Variants in SP110 observed in about 807,000 individuals in gnomAD.
The protein encoded by SP110 is SP110 nuclear body protein, also known as interferon-induced protein 41, 30kD.
A neutral mutation model predicts 92.7 loss-of-function variants in SP110; 62 were observed. The observed-to-expected ratio is 0.67, with a 90% CI of 0.55 to 0.83. The LOEUF is 0.83. SP110 is among the 40% of genes least tolerant of loss of function. SP110 has a pLI of 0.00. For synonymous variants in SP110, 273 were observed against 305.3 expected, an observed-to-expected ratio of 0.89 and a Z score of 1.10; for missense variants, 793 against 863.9, an observed-to-expected ratio of 0.92 and a Z score of 1.03.
chr2:230,176,700 T>A (rs768938186), intron 14 of SP110: 35 of 1,613,898 alleles, frequency 2.2e-5, no homozygotes, highest in Non-Finnish European at 2.9e-5. Context: ...AGATTTATTC[T>A]TGGAGGACAG....
upstream of SP110, among the ~76,000 whole-genome samples, chr2:230,221,148 G>A (rs1055225417): frequency 6.6e-6 from 1 of 151,862 alleles, no homozygotes; most frequent in Non-Finnish European, 1.5e-5. Flanking sequence ...AGATGTGGTG[G>A]CGGGAACCTG....
At chr2:230,173,245 G>A (rs996862996) in intron 14 of SP110, 20 of 400,114 alleles carry the variant, frequency 5.0e-5, no homozygotes, top group Non-Finnish European at 9.7e-5. Flanking sequence ...CTGCTGGCAA[G>A]CTTGTGCTTT....
intron 12 of SP110, among the ~76,000 whole-genome samples, chr2:230,182,110 G>A (rs955516044): frequency 2.6e-4 from 40 of 152,332 alleles, no homozygotes; most frequent in Non-Finnish European, 4.3e-4. Context: ...TATACACCAC[G>A]GAATACTATG....
At chr2:230,219,638 C>T (rs903466236) in intron 1 of SP110, 1 of 152,206 alleles carries the variant, frequency 6.6e-6, no homozygotes, top group South Asian at 2.1e-4. Flanking sequence ...GGGTAGAGGG[C>T]AAATCTCGGC....
rs56817002 is a variant in SP110 at position 230,206,595 on chromosome 2, TTATATATATA to T, written c.898+1386_898+1395del. 9.7e-3 allele frequency among the ~76,000 whole-genome samples: 681 copies of T among 70,496 alleles called. 21 individuals carry two copies. Among genetic ancestry groups the T allele is most frequent in the African/African-American group, 0.028 (577 of 20,946 alleles). The allele number at this position is 70,496 out of a possible 152,430, so 46.2% of individuals were successfully genotyped here. On this transcript the variant is annotated intron_variant, in intron 8 of 18. Coordinates refer to ENST00000258381, the MANE Select transcript of SP110 (RefSeq NM_080424.4). ...TATTATATATTATCTGGTCCAGATT[TTATATATATA>T]TATATATATATATATATATATATAT...
At chr2:230,179,301 G>T (rs901504896) in intron 12 of SP110, among the ~76,000 whole-genome samples, 12 of 152,164 alleles carry the variant, frequency 7.9e-5, no homozygotes, top group African/African-American at 2.9e-4. Flanking sequence ...AGGAGCAGGG[G>T]CTGGCAGCAA....
chr2:230,202,677 T>C lies in SP110; in HGVS notation c.950A>G (p.Gln317Arg). 6.2e-7 allele frequency: 1 copy of C among 1,614,154 alleles called. No individual in the cohort carries two copies. Among genetic ancestry groups the C allele is most frequent in the Non-Finnish European group, 8.5e-7 (1 of 1,179,958 alleles). ...GIQKKLKRVD[Q>R]VPQKKDDSTC... ...TGAGTCATCTTTCTTTTGAGGAACCTGATCCACCCTTTTGAGCTTCTTTTG... is the reference window on the plus strand; with the variant it reads ...TGAGTCATCTTTCTTTTGAGGAACCCGATCCACCCTTTTGAGCTTCTTTTG... Residue 317 changes from glutamine (Q) to arginine (R), a missense_variant, in exon 9 of 19, where the codon CAG (glutamine) becomes CGG (arginine). By Grantham distance (43) the Gln-to-Arg change is conservative. Transcript: ENST00000258381.
At chr2:230,217,420 AG>A (rs1163231086) in intron 1 of SP110, among the ~76,000 whole-genome samples, 1 of 152,184 alleles carries the variant, frequency 6.6e-6, no homozygotes, top group African/African-American at 2.4e-5. Flanking sequence ...GACAATTCCC[AG>A]CAACAATGGA....
intron 10 of SP110, among the ~76,000 whole-genome samples, chr2:230,190,308 T>C (rs879044714): frequency 6.6e-6 from 1 of 151,914 alleles, no homozygotes; most frequent in South Asian, 2.1e-4. Flanking sequence ...TGATCAGTGA[T>C]GTTGAGCGTT....
intron 10 of SP110, among the ~76,000 whole-genome samples, chr2:230,191,746 A>C (rs1319245652): frequency 6.6e-6 from 1 of 152,196 alleles, no homozygotes; most frequent in Non-Finnish European, 1.5e-5. Flanking sequence ...TATTCCAAAC[A>C]ATTGAAAAGG....
intron 18 of SP110, 120 bp downstream of exon 18, chr2:230,170,501 C>T (rs887869831): frequency 3.0e-5 from 37 of 1,235,268 alleles, no homozygotes; most frequent in Admixed American, 5.3e-5. Flanking sequence ...TTCTGTAATC[C>T]TTGTCTTGTT....
intron 12 of SP110, 74 bp downstream of exon 12, chr2:230,183,498 G>T: frequency 1.1e-6 from 1 of 927,968 alleles, no homozygotes; most frequent in Non-Finnish European, 1.8e-6. Flanking sequence ...AGAAGGAGAG[G>T]GCGGGTGGAG....
At chr2:230,189,080 T>C (rs151293281) in intron 10 of SP110, among the ~76,000 whole-genome samples, 12 of 92,242 alleles carry the variant, frequency 1.3e-4, no homozygotes, top group African/African-American at 5.0e-4. Context: ...GTTGAGTTTA[T>C]TTGAAACTTC....
chr2:230,179,461 C>T (rs927161893), intron 12 of SP110, among the ~76,000 whole-genome samples: 5 of 93,436 alleles, frequency 5.4e-5, no homozygotes, highest in South Asian at 4.1e-4. Context: ...CAGATGAGAG[C>T]GTGGCCTTGG....
At chr2:230,186,985 TATA>T (rs773828665) in intron 10 of SP110, among the ~76,000 whole-genome samples, 1 of 152,190 alleles carries the variant, frequency 6.6e-6, no homozygotes, top group Non-Finnish European at 1.5e-5. Context: ...GTCTTCTTGA[TATA>T]ATGACTTATT....
Position 230,170,656 on chromosome 2 carries a change from G to T in SP110, c.1993C>A (p.Arg665Ser), listed in dbSNP as rs201864810. ...YTVAWFVRDM[R>S]LMFRNHKTFY... Reference sequence around the variant, plus strand: ...GTTTTATGGTTGCGAAACATCAGGCGCATGTCTCGCACAAACCATGCCACC... The same window carrying T: ...GTTTTATGGTTGCGAAACATCAGGCTCATGTCTCGCACAAACCATGCCACC... Residue 665 changes from arginine (R) to serine (S), a missense_variant, in exon 18 of 19, where the codon CGC becomes AGC. Transcript: ENST00000258381. The T allele has an allele frequency of 5.6e-5, 91 of 1,613,926 alleles. No homozygotes were observed. The highest frequency in any genetic ancestry group is 7.4e-5 in the Non-Finnish European group (87 of 1,179,986).
chr2:230,190,167 C>T (rs980827516), intron 10 of SP110, among the ~76,000 whole-genome samples: 1 of 152,206 alleles, frequency 6.6e-6, no homozygotes, highest in African/African-American at 2.4e-5. Context: ...TACACTCCCA[C>T]CAACAGTGTA....
Position 230,202,602 on chromosome 2 carries a change from C to A in SP110, c.1025G>T (p.Cys342Phe). 6.2e-7 allele frequency: 1 copy of A among 1,614,196 alleles called. No homozygotes were observed. ...ETRAQKARTE[C>F]ARKSRSEEII... ...ACCCTCTGATCTCGACTTTCGGGCA[C>A]ATTCAGTTCTCGCCTTTTGGGCCCT... The change falls in exon 9 of 19, where the codon TGT becomes TTT. Residue 342 changes from cysteine to phenylalanine, a missense_variant. Transcript: ENST00000258381.
At position 230,189,539 on chromosome 2, in the gene SP110, C is replaced by T. The variant is rs372781138; in HGVS notation, c.1130-3396G>A. Among the ~76,000 whole-genome samples, 499 of 152,218 alleles carry T rather than the reference C, an allele frequency of 3.3e-3. 3 individuals are homozygous for T. Among genetic ancestry groups the T allele is most frequent in the African/African-American group, 0.011 (477 of 41,522 alleles). On this transcript the variant is annotated intron_variant, in intron 10 of 18. Transcript: ENST00000258381. ...ATTTCTAGTTTTATTCCACTGTGAT[C>T]TGAGGAGATACTTAATATAATTTCA...
Sources: gnomAD v4.1 joint callset for allele counts (sites outside exome capture counted in the v4.1 genomes callset) on GRCh38, gnomAD v4.1.1 for gene constraint, MANE v1.5 for transcripts, NCBI Gene and HGNC (gene_info 2026-07-23, HGNC 2026-07-21) for gene names.